DGCR8: variants seen among roughly 807,000 people sequenced by gnomAD.
DGCR8 encodes the protein DGCR8 microprocessor complex subunit.
DGCR8 carries 14 observed loss-of-function variants against 78.5 expected under a neutral mutation model. The observed-to-expected ratio is 0.18, with a 90% confidence interval of 0.12 to 0.28. The LOEUF is 0.28. DGCR8 is among the 10% of genes least tolerant of loss of function. DGCR8 has a pLI of 1.00. For synonymous variants in DGCR8, 399 were observed against 402.4 expected (o/e 0.99, Z 0.10); for missense variants, 702 against 1,022.5 (o/e 0.69, Z 4.28).
At chr22:20,092,258 T>C (rs930285224) in intron 7 of DGCR8, among the ~76,000 whole-genome samples, 1 of 152,192 alleles carries the variant, frequency 6.6e-6, no homozygotes. Context: ...GACAGCCTTA[T>C]TGCGAGCAAG....
chr22:20,086,601 A>T lies in DGCR8; in HGVS notation c.638A>T (p.Glu213Val). The T allele has an allele frequency of 6.2e-7, 1 of 1,613,522 alleles. No homozygotes were observed. The highest frequency in any genetic ancestry group is 8.5e-7 in the Non-Finnish European group (1 of 1,179,990). Reference sequence around the variant, plus strand: ...TTTACTGACAATTTGGAGCTAGATGAAGAAGGAGCAGGCGGGTTCACGGCT... The same window carrying T: ...TTTACTGACAATTTGGAGCTAGATGTAGAAGGAGCAGGCGGGTTCACGGCT... ...EDFTDNLELD[E>V]EGAGGFTAKA... The change falls in exon 2 of 14, where the codon GAA (glutamate) becomes GTA (valine). Residue 213 changes from glutamate (E) to valine (V), a missense_variant. Glu to Val is a moderately radical substitution (Grantham distance 121). Around this residue, in one of 4 missense-constraint regions of DGCR8, gnomAD observed 356 missense variants for 448.9 expected, o/e 0.79. Coordinates refer to ENST00000351989, the MANE Select transcript of DGCR8 (RefSeq NM_022720.7). The surrounding 1 kb of genome is among the most constrained non-coding windows in gnomAD (Gnocchi z 6.4).
rs745346396 is a variant in DGCR8 at position 20,087,637 on chromosome 22, G to C, written c.880+316G>C. Among the ~76,000 whole-genome samples, 2 of 152,172 alleles carry C rather than the reference G, an allele frequency of 1.3e-5. No homozygotes were observed. The highest frequency in any genetic ancestry group is 6.5e-5 in the Admixed American group (1 of 15,282). The stretch of plus-strand genomic sequence containing the variant: ...CCAGGAGCCAGCATGACCATCAGCT[G>C]GAGGGTGTGGAGACCAAGGGCAAGG... On this transcript the variant is annotated intron_variant, in intron 3 of 13. Coordinates refer to ENST00000351989, the MANE Select transcript of DGCR8 (RefSeq NM_022720.7). The surrounding 1 kb of genome is among the most constrained non-coding windows in gnomAD (Gnocchi z 4.1).
chr22:20,099,442 A>T (rs548504988), intron 9 of DGCR8, among the ~76,000 whole-genome samples: 1 of 152,264 alleles, frequency 6.6e-6, no homozygotes, highest in South Asian at 2.1e-4. Flanking sequence ...GCTTTTCCAG[A>T]GGGTGGCCAG....
Position 20,089,053 on chromosome 22 carries a change from G to A in DGCR8, c.881-616G>A, listed in dbSNP as rs2049522692. 6.6e-6 allele frequency among the ~76,000 whole-genome samples: 1 copy of A among 152,200 alleles called. No homozygotes were observed. Among genetic ancestry groups the A allele is most frequent in the Non-Finnish European group, 1.5e-5 (1 of 68,038 alleles). On this transcript the variant is annotated intron_variant, in intron 3 of 13. Coordinates refer to ENST00000351989, the MANE Select transcript of DGCR8 (RefSeq NM_022720.7). The surrounding 1 kb of genome is among the most constrained non-coding windows in gnomAD (Gnocchi z 4.9). Reference sequence around the variant, plus strand: ...ATACCTGTGAGAAAATTAAGTTTTAGTTACATCTTTGCCTTACGCTCTTCC... The same window carrying A: ...ATACCTGTGAGAAAATTAAGTTTTAATTACATCTTTGCCTTACGCTCTTCC...
intron 10 of DGCR8, 126 bp downstream of exon 10, chr22:20,106,403 C>T (rs1602496737): frequency 1.1e-6 from 1 of 891,176 alleles, no homozygotes; most frequent in Non-Finnish European, 1.8e-6. Context: ...ACACAGCAGC[C>T]CCTTGGCCCT....
chr22:20,108,708 C>T (rs1011936736), intron 12 of DGCR8, 182 bp from the exon 13 acceptor site: 7 of 500,522 alleles, frequency 1.4e-5, no homozygotes, highest in Middle Eastern at 5.6e-4. Context: ...TGTCAGTGGG[C>T]CTGGCATCAC....
In DGCR8 at chr22:20,108,937, G is replaced by C; in HGVS notation, c.2172G>C (p.Lys724Asn). Residue 724 changes from lysine (K) to asparagine (N), a missense_variant, in exon 13 of 14, where the codon AAG (lysine) becomes AAC (asparagine). Physicochemically the swap from Lys to Asn is moderately conservative, Grantham distance 94. Around this residue, in one of 4 missense-constraint regions of DGCR8, gnomAD observed 225 missense variants for 427.7 expected, o/e 0.53. Coordinates refer to ENST00000351989, the MANE Select transcript of DGCR8 (RefSeq NM_022720.7). The part of the protein sequence containing the change: ...SVIELQQYAK[K>N]NKPNLHILSK... ...TTGAGCTGCAGCAGTATGCCAAGAA[G>C]AACAAGCCCAACCTGCACATCCTCA... is the stretch of plus-strand genomic sequence containing the variant. The C allele has an allele frequency of 6.2e-7, 1 of 1,612,226 alleles. No individual in the cohort carries two copies. The highest frequency in any genetic ancestry group is 8.5e-7 in the Non-Finnish European group (1 of 1,178,458).
At chr22:20,103,946 G>A (rs932379415) in intron 9 of DGCR8, among the ~76,000 whole-genome samples, 8 of 152,178 alleles carry the variant, frequency 5.3e-5, no homozygotes, top group Admixed American at 3.3e-4. Flanking sequence ...GGCGTCTGTG[G>A]TGCTCCCACA....
intron 5 of DGCR8, 51 bp from the exon 6 acceptor site, chr22:20,091,384 A>C (rs1245289592): frequency 6.3e-7 from 1 of 1,593,682 alleles, no homozygotes; most frequent in Non-Finnish European, 8.6e-7. Flanking sequence ...TGAGAACCTG[A>C]CTCCTATGTT....
chr22:20,096,066 C>T (rs371425660), intron 9 of DGCR8, among the ~76,000 whole-genome samples: 13 of 152,294 alleles, frequency 8.5e-5, no homozygotes, highest in African/African-American at 2.9e-4. Flanking sequence ...CCCCCTGCCC[C>T]CACCACTCAT....
chr22:20,106,143 G>A, intron 9 of DGCR8, 34 bp from the exon 10 acceptor site: 1 of 1,594,324 alleles, frequency 6.3e-7, no homozygotes, highest in South Asian at 1.1e-5. Flanking sequence ...GGTGGGCCTG[G>A]TGGGGACTCA....
intron 9 of DGCR8, among the ~76,000 whole-genome samples, chr22:20,104,357 C>T (rs924120815): frequency 6.6e-5 from 10 of 151,992 alleles, no homozygotes; most frequent in African/African-American, 1.7e-4. Flanking sequence ...TTAGTAGAGA[C>T]GGGGTTTCAC....
At chr22:20,107,671 G>A (rs1219971433) in intron 12 of DGCR8, 4 of 465,128 alleles carry the variant, frequency 8.6e-6, no homozygotes, top group African/African-American at 3.9e-5. Context: ...TGGCCAAAGT[G>A]CAAGGCAGGG....
At chr22:20,095,280 AT>A (rs762785006) in intron 9 of DGCR8, among the ~76,000 whole-genome samples, 106 of 152,034 alleles carry the variant, frequency 7.0e-4, no homozygotes, top group Non-Finnish European at 9.4e-4. Flanking sequence ...TAATTTTTGT[AT>A]TTTTAGTAGA....
rs769539602 is a variant in DGCR8, at chr22:20,086,266, C to T, written c.303C>T (p.His101=). The change falls in exon 2 of 14, where the codon CAC becomes CAT. Residue 101 remains histidine (H), a synonymous_variant. Coordinates refer to ENST00000351989, the MANE Select transcript of DGCR8 (RefSeq NM_022720.7). This position sits in a 1 kb window ranked among gnomAD's most constrained non-coding sequence, Gnocchi z 6.4. ...GCCACAGCCCGCGCACCGCCCGGCA[C>T]GCACCTGCGGTCCGGAAGTTCTCCC... The part of the protein sequence containing the change: ...CSGHSPRTAR[H]APAVRKFSPD... The T allele has an allele frequency of 6.4e-5, 104 of 1,614,054 alleles. No individual in the cohort carries two copies. Among genetic ancestry groups the T allele is most frequent in the Non-Finnish European group, 8.4e-5 (99 of 1,180,046 alleles).
Position 20,080,322 on chromosome 22 carries a change from G to A in DGCR8, c.-339G>A, listed in dbSNP as rs1714475808. 1 of 981,004 alleles carries A rather than the reference G, an allele frequency of 1.0e-6. No homozygotes were observed. The allele number at this position is 981,004 out of a possible 1,614,324, so 60.8% of individuals were successfully genotyped here. ...TTCCAGATGGCTGCGGCGGTCGGTC[G>A]GTGAGGCTTTCCCGGCTGTGGTTTG... On this transcript the variant is annotated 5_prime_UTR_variant, in exon 1 of 14. Coordinates refer to ENST00000351989, the MANE Select transcript of DGCR8 (RefSeq NM_022720.7).
rs775623923 is a variant in DGCR8 at position 20,106,651 on chromosome 22, A to G, written c.1949A>G (p.Lys650Arg). 1.1e-5 allele frequency: 17 copies of G among 1,613,962 alleles called. No individual in the cohort carries two copies. The highest frequency in any genetic ancestry group is 8.0e-5 in the African/African-American group (6 of 74,942). ...KFEVVPGKNQ[K>R]SEYVMACGKH... is the part of the protein sequence containing the mutation. ...GAAGTGGTTCCTGGGAAAAACCAGA[A>G]GAGTGAATACGTCATGGCGTGTGGC... The change falls in exon 11 of 14, where the codon AAG becomes AGG. Residue 650 changes from lysine to arginine, a missense_variant. Lys to Arg is a conservative substitution (Grantham distance 26). Around this residue, in one of 4 missense-constraint regions of DGCR8, gnomAD observed 225 missense variants for 427.7 expected, o/e 0.53. Transcript: ENST00000351989.
intron 1 of DGCR8, among the ~76,000 whole-genome samples, chr22:20,081,552 C>T (rs375277602): frequency 6.6e-6 from 1 of 152,226 alleles, no homozygotes; most frequent in East Asian, 1.9e-4. Context: ...GTAGTCTCAC[C>T]GTGACCTTGG....
In DGCR8 at chr22:20,106,224, C is replaced by A; in HGVS notation, c.1836C>A (p.Thr612=). The A allele has an allele frequency of 6.2e-7, 1 of 1,613,982 alleles. No homozygotes were observed. Among genetic ancestry groups the A allele is most frequent in the African/African-American group, 1.3e-5 (1 of 75,038 alleles). Residue 612 remains threonine (T), a synonymous_variant, in exon 10 of 14, where the codon ACC becomes ACA. Coordinates refer to ENST00000351989, the MANE Select transcript of DGCR8 (RefSeq NM_022720.7). ...SIEDSRVYEL[T]SKAGLLSPYQ... is the part of the protein sequence containing the mutation. The stretch of plus-strand genomic sequence containing the variant: ...AGGACTCGCGGGTCTACGAGCTGAC[C>A]AGCAAGGCTGGGCTGTTGTCTCCAT...
Sources: allele counts gnomAD v4.1 joint callset (sites outside exome capture counted in the v4.1 genomes callset), GRCh38; gene constraint gnomAD v4.1.1; regional missense constraint gnomAD v4.1.1; non-coding constraint Gnocchi (gnomAD v3.1); transcripts MANE v1.5; gene names NCBI Gene and HGNC (gene_info 2026-07-23, HGNC 2026-07-21).